PC: variants seen among roughly 807,000 people sequenced by gnomAD.
PC encodes the protein pyruvate carboxylase, mitochondrial.
A neutral mutation model predicts 107.8 loss-of-function variants in PC; 46 were observed. The observed-to-expected ratio is 0.43, with a 90% CI of 0.34 to 0.55. The LOEUF is 0.55. PC is among the 20% of genes least tolerant of loss of function. The pLI, the probability that PC is intolerant of heterozygous loss-of-function variation, is 0.04. For missense variants in PC, 1,241 were observed against 1,643.1 expected, an observed-to-expected ratio of 0.76 and a Z score of 4.23; for synonymous variants, 662 against 684.7, an observed-to-expected ratio of 0.97 and a Z score of 0.52.
intron 3 of PC, among the ~76,000 whole-genome samples, chr11:66,873,536 AT>A: frequency 1.0e-5 from 1 of 100,148 alleles, no homozygotes; most frequent in Non-Finnish European, 1.9e-5. Flanking sequence ...TATAATATAT[AT>A]TATATATAAT....
At chr11:66,878,809 T>A (rs1463047763) in intron 3 of PC, among the ~76,000 whole-genome samples, 2 of 152,192 alleles carry the variant, frequency 1.3e-5, no homozygotes, top group African/African-American at 4.8e-5. Context: ...TCAGGGCTCT[T>A]CGGCTGAAGT....
chr11:66,858,333 C>A lies in PC; in HGVS notation c.1369-4950G>T. On this transcript the variant is annotated intron_variant, in intron 12 of 22. Coordinates refer to ENST00000393960, the MANE Select transcript of PC (RefSeq NM_001040716.2). This position sits in a 1 kb window ranked among gnomAD's most constrained non-coding sequence, Gnocchi z 5.9. Reference sequence around the variant, plus strand: ...CTTCGCCCAGCTCGGTCAGCTCTCCCGCCTGGACCTCACCTCCAACCGCCT... The same window carrying A: ...CTTCGCCCAGCTCGGTCAGCTCTCCAGCCTGGACCTCACCTCCAACCGCCT... 6.2e-7 allele frequency: 1 copy of A among 1,606,128 alleles called. No individual in the cohort carries two copies.
intron 3 of PC, among the ~76,000 whole-genome samples, chr11:66,912,422 T>C (rs1223558330): frequency 6.6e-6 from 1 of 152,206 alleles, no homozygotes. Flanking sequence ...GAGAAAGTAA[T>C]GCCAGTTTTG....
chr11:66,889,137 C>G (rs1591231824), intron 3 of PC, among the ~76,000 whole-genome samples: 1 of 151,960 alleles, frequency 6.6e-6, no homozygotes, highest in African/African-American at 2.4e-5. Flanking sequence ...TCTATATAAC[C>G]ATGCAGGGTG....
chr11:66,952,400 C>T (rs917434604), intron 3 of PC, 30 bp downstream of exon 3: 1 of 152,296 alleles, frequency 6.6e-6, no homozygotes, highest in African/African-American at 2.4e-5. Context: ...CCATGCATCC[C>T]GCCAGCCTGG....
Position 66,868,910 on chromosome 11 carries a change from G to A in PC, c.958C>T (p.His320Tyr). ...CGGGAGTTGACCTCGATGAAGTAGT[G>A]CTTGCCGTGCCTGTCCACCAGGAAC... ...VEFLVDRHGK[H>Y]YFIEVNSRLQ... is the part of the protein sequence containing the mutation. The change falls in exon 10 of 23, where the codon CAC (histidine) becomes TAC (tyrosine). Residue 320 changes from histidine to tyrosine, a missense_variant. Coordinates refer to ENST00000393960, the MANE Select transcript of PC (RefSeq NM_001040716.2). The A allele has an allele frequency of 6.2e-7, 1 of 1,613,822 alleles. No homozygotes were observed. The highest frequency in any genetic ancestry group is 8.5e-7 in the Non-Finnish European group (1 of 1,179,936).
chr11:66,912,623 G>C (rs1339612730), intron 3 of PC, among the ~76,000 whole-genome samples: 1 of 152,134 alleles, frequency 6.6e-6, no homozygotes, highest in East Asian at 1.9e-4. Flanking sequence ...CTCTCCGCTG[G>C]TTTCCTCTCC....
chr11:66,948,180 T>G (rs1949350014), intron 3 of PC, among the ~76,000 whole-genome samples: 1 of 150,490 alleles, frequency 6.6e-6, no homozygotes, highest in South Asian at 2.1e-4. Flanking sequence ...ATATTCCAGC[T>G]TGGGTGACAG....
intron 3 of PC, among the ~76,000 whole-genome samples, chr11:66,895,260 G>A (rs7122539): frequency 0.42 from 63,805 of 151,796 alleles, 14,591 homozygotes; most frequent in African/African-American, 0.61. Context: ...GAGCTCCCAG[G>A]TGTTGACACT....
chr11:66,888,385 A>G (rs947441090), intron 3 of PC, among the ~76,000 whole-genome samples: 6 of 152,168 alleles, frequency 3.9e-5, no homozygotes, highest in Non-Finnish European at 8.8e-5. Flanking sequence ...GAGGTGTGCC[A>G]CCTGTGAGCC....
chr11:66,873,424 T>A (rs1252433661), intron 3 of PC, among the ~76,000 whole-genome samples: 1 of 84,178 alleles, frequency 1.2e-5, no homozygotes, highest in Non-Finnish European at 2.1e-5. Flanking sequence ...ATATAATATA[T>A]TATATATATT....
chr11:66,939,236 A>G (rs1021775526), intron 3 of PC, among the ~76,000 whole-genome samples: 1 of 152,246 alleles, frequency 6.6e-6, no homozygotes, highest in African/African-American at 2.4e-5. Flanking sequence ...TATAAGAACT[A>G]TTTACATGGC....
intron 3 of PC, among the ~76,000 whole-genome samples, chr11:66,883,742 A>G (rs532310948): frequency 6.6e-6 from 1 of 152,314 alleles, no homozygotes; most frequent in African/African-American, 2.4e-5. Flanking sequence ...GGAATGAATC[A>G]GTGAAGAAAT....
chr11:66,874,335 G>C (rs1161993890), intron 3 of PC, among the ~76,000 whole-genome samples: 1 of 152,160 alleles, frequency 6.6e-6, no homozygotes, highest in Admixed American at 6.5e-5. Context: ...TGGTCTACCC[G>C]CCTCGGCCTC....
chr11:66,912,680 T>A lies in PC; in HGVS notation c.-1+39750A>T, dbSNP rs114628215. Among the ~76,000 whole-genome samples the A allele has an allele frequency of 1.9e-3, 282 of 152,298 alleles. 1 individual carries two copies. The highest frequency in any genetic ancestry group is 6.6e-3 in the African/African-American group (274 of 41,554). ...TCAACACAAAATAGGCAGCTTTGATTCACAGGATCCTTTTCCTGCTTCCCC... is the reference window on the plus strand; with the variant it reads ...TCAACACAAAATAGGCAGCTTTGATACACAGGATCCTTTTCCTGCTTCCCC... On this transcript the variant is annotated intron_variant, in intron 3 of 22. Transcript: ENST00000393960.
chr11:66,850,949 G>C lies in PC; in HGVS notation c.2224-26C>G. ...CTGGGGGAAGTGGGAGAGAGAGAGA[G>C]AGAGATGGTAGAGAGGGCAGGATGT... On this transcript the variant is annotated intron_variant, in intron 17 of 22. Coordinates refer to ENST00000393960, the MANE Select transcript of PC (RefSeq NM_001040716.2). 4 of 1,607,474 alleles carry C rather than the reference G, an allele frequency of 2.5e-6. No individual in the cohort carries two copies. The South Asian group carries it at 4.4e-5, about 18-fold the overall frequency.
chr11:66,860,808 T>C, intron 12 of PC: 1 of 682,008 alleles, frequency 1.5e-6, no homozygotes, highest in Non-Finnish European at 2.7e-6. Flanking sequence ...CCCATGGCAC[T>C]TCAGGGTCTG....
intron 3 of PC, among the ~76,000 whole-genome samples, chr11:66,904,270 T>A (rs1273873127): frequency 6.6e-6 from 1 of 152,096 alleles, no homozygotes; most frequent in African/African-American, 2.4e-5. Context: ...AGGAATGATT[T>A]CTGGTTCATG....
chr11:66,887,411 CAG>C (rs1368911623), intron 3 of PC, among the ~76,000 whole-genome samples: 2 of 152,150 alleles, frequency 1.3e-5, no homozygotes, highest in Non-Finnish European at 2.9e-5. Context: ...TTTATCTCCT[CAG>C]AGAAACAAGA....
Sources: gnomAD v4.1 joint callset for allele counts (sites outside exome capture counted in the v4.1 genomes callset) on GRCh38, gnomAD v4.1.1 for gene constraint, Gnocchi (gnomAD v3.1) non-coding constraint, MANE v1.5 for transcripts, NCBI Gene and HGNC (gene_info 2026-07-23, HGNC 2026-07-21) for gene names.